The following ANGPT1 variants were observed in gnomAD, a reference collection of about 807,000 sequenced individuals.
The protein encoded by ANGPT1 is angiopoietin-1.
ANGPT1 carries 17 observed loss-of-function variants against 62.2 expected under a neutral mutation model. The ratio of observed to expected loss-of-function variants is 0.27; its 90% CI spans 0.19 to 0.41. ANGPT1 has a LOEUF of 0.41. ANGPT1 is among the 10% of genes least tolerant of loss of function. The pLI, the probability that ANGPT1 is intolerant of heterozygous loss-of-function variation, is 1.00. For synonymous variants in ANGPT1, 199 were observed against 198.9 expected (o/e 1.00, Z 0.00); for missense variants, 478 against 594.9 (o/e 0.80, Z 2.04).
chr8:107,453,849 A>T (rs1811845252), intron 1 of ANGPT1, among the ~76,000 whole-genome samples: 2 of 133,776 alleles, frequency 1.5e-5, no homozygotes, highest in South Asian at 2.5e-4. Flanking sequence ...CACATAGTAT[A>T]TGCTGAGATT....
Position 107,251,766 on chromosome 8 carries a change from T to C in ANGPT1, c.*89A>G. The C allele has an allele frequency of 6.7e-7, 1 of 1,483,340 alleles. No homozygotes were observed. The highest frequency in any genetic ancestry group is 9.2e-7 in the Non-Finnish European group (1 of 1,082,222). The allele number at this position is 1,483,340 out of a possible 1,614,324, so 91.9% of individuals were successfully genotyped here. A position where few individuals can be genotyped will look rare whatever the true frequency, so the allele number is the denominator to read the frequency against. On this transcript the variant is annotated 3_prime_UTR_variant, in exon 9 of 9. Transcript: ENST00000517746. Reference sequence around the variant, plus strand: ...TATTGCTGGAAGGGAGACAATATTGTTTGCTTCTGAAGTTTTCAAACAGTT... The same window carrying C: ...TATTGCTGGAAGGGAGACAATATTGCTTGCTTCTGAAGTTTTCAAACAGTT...
chr8:107,423,827 C>CTTTTTTTTTTTTT (rs869079818), intron 1 of ANGPT1, among the ~76,000 whole-genome samples: 1 of 74,436 alleles, frequency 1.3e-5, no homozygotes, highest in Non-Finnish European at 2.3e-5. Flanking sequence ...CTTTTCCTTT[C>CTTTTTTTTTTTTT]TTTTTTTTTT....
chr8:107,267,757 C>T (rs960123536), intron 7 of ANGPT1, among the ~76,000 whole-genome samples: 3 of 152,074 alleles, frequency 2.0e-5, no homozygotes, highest in Admixed American at 2.0e-4. Flanking sequence ...AAGTCTAGTC[C>T]TTTACTGTCT....
In ANGPT1 at chr8:107,497,569, G is replaced by A. The variant is rs765286922; in HGVS notation, c.-11C>T. 6.2e-7 allele frequency: 1 copy of A among 1,610,068 alleles called. No homozygotes were observed. The highest frequency in any genetic ancestry group is 8.5e-7 in the Non-Finnish European group (1 of 1,177,428). Reference sequence around the variant, plus strand: ...AAGGAAAACTGTCATTGTACTGCCAGCACACTCCTTCCGTGCCTCTCGCAA... The same window carrying A: ...AAGGAAAACTGTCATTGTACTGCCAACACACTCCTTCCGTGCCTCTCGCAA... On this transcript the variant is annotated 5_prime_UTR_variant, in exon 1 of 9. Transcript: ENST00000517746.
intron 1 of ANGPT1, among the ~76,000 whole-genome samples, chr8:107,407,467 T>G (rs953438240): frequency 6.6e-6 from 1 of 152,106 alleles, no homozygotes; most frequent in African/African-American, 2.4e-5. Context: ...TAAAAGCCTG[T>G]TTTCAAAAGA....
chr8:107,381,739 T>C (rs562993541), intron 1 of ANGPT1, among the ~76,000 whole-genome samples: 1 of 152,302 alleles, frequency 6.6e-6, no homozygotes, highest in Admixed American at 6.5e-5. Flanking sequence ...AAAGGATCGT[T>C]ATGACAACTG....
intron 1 of ANGPT1, among the ~76,000 whole-genome samples, chr8:107,392,041 AT>A (rs1816846444): frequency 6.6e-6 from 1 of 152,132 alleles, no homozygotes; most frequent in African/African-American, 2.4e-5. Flanking sequence ...TCAAAGTTGT[AT>A]TTTTAAAAAT....
At chr8:107,396,517 CTTTTT>C (rs10686360) in intron 1 of ANGPT1, among the ~76,000 whole-genome samples, 33 of 84,830 alleles carry the variant, frequency 3.9e-4, no homozygotes, top group African/African-American at 7.8e-4. Flanking sequence ...TCTTTTCTCT[CTTTTT>C]TTTTTTTTTT....
chr8:107,406,942 G>T (rs577541228), intron 1 of ANGPT1, among the ~76,000 whole-genome samples: 1 of 149,272 alleles, frequency 6.7e-6, no homozygotes, highest in South Asian at 2.1e-4. Context: ...AATTCCTTAA[G>T]TCAGTTTATA....
At chr8:107,307,167 C>A (rs36036692) in intron 4 of ANGPT1, among the ~76,000 whole-genome samples, 1 of 151,854 alleles carries the variant, frequency 6.6e-6, no homozygotes, top group South Asian at 2.1e-4. Context: ...GAATTTAGAT[C>A]CCTGCCATTC....
chr8:107,384,356 A>C (rs1199122237), intron 1 of ANGPT1, among the ~76,000 whole-genome samples: 1 of 152,162 alleles, frequency 6.6e-6, no homozygotes, highest in Non-Finnish European at 1.5e-5. Context: ...GAAAAATAAC[A>C]TCTAACTTTC....
At chr8:107,461,561 T>C (rs1024971011) in intron 1 of ANGPT1, among the ~76,000 whole-genome samples, 27 of 136,522 alleles carry the variant, frequency 2.0e-4, no homozygotes, top group African/African-American at 6.9e-4. Flanking sequence ...CAACCACTGG[T>C]GTCCTAGAAT....
intron 1 of ANGPT1, among the ~76,000 whole-genome samples, chr8:107,475,683 T>C (rs956749818): frequency 2.6e-5 from 4 of 152,036 alleles, no homozygotes; most frequent in African/African-American, 9.7e-5. Context: ...TGCAATTTAC[T>C]CATCTGACAA....
At chr8:107,355,047 A>G (rs1293267172) in intron 1 of ANGPT1, among the ~76,000 whole-genome samples, 1 of 150,156 alleles carries the variant, frequency 6.7e-6, no homozygotes, top group Non-Finnish European at 1.5e-5. Flanking sequence ...GTATCCAGGC[A>G]CATGCCACCA....
In ANGPT1 at chr8:107,497,351, C is replaced by A; in HGVS notation, c.208G>T (p.Asp70Tyr). ...AAATCCGGTTCCACGTGTGGAGCAT[C>A]TCTCTGCAGAGCGTTTGTGTTGTAC... is the stretch of plus-strand genomic sequence containing the variant. ...DQYNTNALQR[D>Y]APHVEPDFSS... The change falls in exon 1 of 9, where the codon GAT becomes TAT. Residue 70 changes from aspartate to tyrosine, a missense_variant. Physicochemically the swap from Asp to Tyr is radical, Grantham distance 160. Coordinates refer to ENST00000517746, the MANE Select transcript of ANGPT1 (RefSeq NM_001146.5). 1 of 1,614,176 alleles carries A rather than the reference C, an allele frequency of 6.2e-7. No individual in the cohort carries two copies. The highest frequency in any genetic ancestry group is 2.2e-5 in the East Asian group (1 of 44,878).
At chr8:107,382,906 T>A (rs545879994) in intron 1 of ANGPT1, among the ~76,000 whole-genome samples, 1 of 152,216 alleles carries the variant, frequency 6.6e-6, no homozygotes, top group Non-Finnish European at 1.5e-5. Flanking sequence ...TGAACAACGA[T>A]AAATGAAAAA....
At chr8:107,337,590 T>G (rs993993122) in intron 2 of ANGPT1, among the ~76,000 whole-genome samples, 2 of 152,186 alleles carry the variant, frequency 1.3e-5, no homozygotes, top group African/African-American at 4.8e-5. Context: ...GAAGATAAAT[T>G]AATTTTAAAA....
chr8:107,460,686 A>C (rs1014035196), intron 1 of ANGPT1, among the ~76,000 whole-genome samples: 45 of 152,170 alleles, frequency 3.0e-4, no homozygotes, highest in African/African-American at 1.1e-3. Context: ...TGCTTGACAC[A>C]CATGGGGATA....
chr8:107,427,641 C>T (rs1811073901), intron 1 of ANGPT1, among the ~76,000 whole-genome samples: 1 of 152,110 alleles, frequency 6.6e-6, no homozygotes, highest in Admixed American at 6.5e-5. Context: ...TAAGATCTTC[C>T]ACAATAATTA....
Sources: allele counts gnomAD v4.1 joint callset (sites outside exome capture counted in the v4.1 genomes callset), GRCh38; gene constraint gnomAD v4.1.1; transcripts MANE v1.5; gene names NCBI Gene and HGNC (gene_info 2026-07-23, HGNC 2026-07-21).